The following DCP2 variants were observed in gnomAD, a reference collection of about 807,000 sequenced individuals.
The protein encoded by DCP2 is decapping mRNA 2.
In DCP2, 30 loss-of-function variants were observed where a neutral mutation model predicts 56.1. The observed-to-expected ratio is 0.53, with a 90% CI of 0.40 to 0.73. The LOEUF (loss-of-function observed/expected upper bound fraction) is 0.73. Ranked by LOEUF, DCP2 falls within the 30% of genes least tolerant of loss-of-function variation. DCP2 has a pLI of 0.00. For missense variants in DCP2, 533 were observed against 502.7 expected, an observed-to-expected ratio of 1.06 and a Z score of -0.58; for synonymous variants, 197 against 163.3, an observed-to-expected ratio of 1.21 and a Z score of -1.57.
intron 9 of DCP2, among the ~76,000 whole-genome samples, chr5:113,010,255 A>C (rs1749625728): frequency 6.9e-6 from 1 of 145,236 alleles, no homozygotes; most frequent in South Asian, 2.1e-4. Flanking sequence ...CATGTTACCC[A>C]GACTGGTCTT....
rs1309223766 is a variant in DCP2 at position 113,014,591 on chromosome 5, A to G, written c.*1107A>G. ...ATACATAACTCACTCCTAGGAATGT[A>G]TTTTGCTTCAGGATTTTTAAATTCA... is the stretch of plus-strand genomic sequence containing the variant. On this transcript the variant is annotated 3_prime_UTR_variant, in exon 11 of 11. Coordinates refer to ENST00000389063, the MANE Select transcript of DCP2 (RefSeq NM_152624.6). The G allele has an allele frequency of 6.6e-6, 1 of 152,596 alleles. No homozygotes were observed. Among genetic ancestry groups the G allele is most frequent in the African/African-American group, 2.4e-5 (1 of 41,438 alleles). 9.5% of individuals were successfully genotyped at this position (152,596 alleles called of 1,614,324 possible). A position where few individuals can be genotyped will look rare whatever the true frequency, so the allele number is the denominator to read the frequency against.
intron 1 of DCP2, 55 bp from the exon 2 acceptor site, chr5:112,985,780 G>T: frequency 1.3e-6 from 2 of 1,572,286 alleles, no homozygotes; most frequent in Non-Finnish European, 1.7e-6. Context: ...AATAGCTTAA[G>T]ATAAATCGTT....
intron 8 of DCP2, 95 bp from the exon 9 acceptor site, chr5:113,007,843 C>G: frequency 1.8e-6 from 2 of 1,098,118 alleles, no homozygotes; most frequent in South Asian, 1.8e-5. Flanking sequence ...TTGCTAAAAA[C>G]TTGGTTCAAC....
intron 4 of DCP2, among the ~76,000 whole-genome samples, chr5:112,994,619 T>G (rs1748764547): frequency 6.6e-6 from 1 of 152,268 alleles, no homozygotes. Flanking sequence ...CGTATTCTTA[T>G]TTCTTACCAT....
At chr5:113,003,855 T>C (rs1749293549) in intron 7 of DCP2, 87 bp from the exon 8 acceptor site, 7 of 1,421,518 alleles carry the variant, frequency 4.9e-6, no homozygotes, top group East Asian at 4.9e-5. Context: ...TAAGAAAATA[T>C]GTAGTCTATA....
intron 4 of DCP2, among the ~76,000 whole-genome samples, chr5:112,997,463 C>T (rs1456259986): frequency 6.6e-6 from 1 of 152,116 alleles, no homozygotes; most frequent in African/African-American, 2.4e-5. Context: ...TTCATGTGCA[C>T]TTATATAATT....
At chr5:113,001,755 C>T (rs1749190477) in intron 7 of DCP2, 81 bp downstream of exon 7, 1 of 1,332,708 alleles carries the variant, frequency 7.5e-7, no homozygotes, top group Non-Finnish European at 1.1e-6. Flanking sequence ...CTAAAATTTG[C>T]AGAGGATGTA....
At position 112,995,232 on chromosome 5, in the gene DCP2, T is replaced by G. The variant is rs114500158; in HGVS notation, c.432+2462T>G. 9.0e-3 allele frequency among the ~76,000 whole-genome samples: 1,371 copies of G among 152,334 alleles called. 28 individuals carry two copies. The highest frequency in any genetic ancestry group is 0.032 in the African/African-American group (1,317 of 41,580). On this transcript the variant is annotated intron_variant, in intron 4 of 10. Transcript: ENST00000389063. ...GAGTAAATGAAGGTTAATACACAAC[T>G]CTTAAAATTGGAAGCAGTTTGGTGA...
At chr5:112,985,761 A>T in intron 1 of DCP2, 74 bp from the exon 2 acceptor site, 3 of 1,535,542 alleles carry the variant, frequency 2.0e-6, no homozygotes, top group Non-Finnish European at 2.7e-6. Context: ...GTCAGGTATG[A>T]AGCACTTAAA....
chr5:112,992,693 C>T lies in DCP2; in HGVS notation c.355C>T (p.Leu119=). 1 of 1,582,216 alleles carries T rather than the reference C, an allele frequency of 6.3e-7. No homozygotes were observed. Among genetic ancestry groups the T allele is most frequent in the South Asian group, 1.2e-5 (1 of 84,898 alleles). ...LENVLLVQGY[L]AKSGWGFPKG... ...GTAGGTACTACTAGTTCAGGGGTAC[C>T]TAGCAAAATCAGGCTGGGGATTTCC... Residue 119 remains leucine (L), a synonymous_variant, in exon 4 of 11, where the codon CTA becomes TTA. Coordinates refer to ENST00000389063, the MANE Select transcript of DCP2 (RefSeq NM_152624.6).
rs945358728 is a variant in DCP2 at position 113,013,662 on chromosome 5, G to A, written c.*178G>A. The A allele has an allele frequency of 7.3e-6, 5 of 682,626 alleles. No individual in the cohort carries two copies. Among genetic ancestry groups the A allele is most frequent in the Admixed American group, 5.9e-5 (2 of 34,018 alleles). 42.3% of individuals were successfully genotyped at this position (682,626 alleles called of 1,614,324 possible). The stretch of plus-strand genomic sequence containing the variant: ...AACACGAGTTTGCACTGTAAATGCA[G>A]TTATAACCTTTTATACAGATTTACC... On this transcript the variant is annotated 3_prime_UTR_variant, in exon 11 of 11. Transcript: ENST00000389063.
Position 113,018,819 on chromosome 5 carries a change from T to G in DCP2, c.*5335T>G, listed in dbSNP as rs1749995427. ...TGTAGAATAATCCATATTTTAAAATTTGTTTCACATCTTTATAGCAAACCT... is the reference window on the plus strand; with the variant it reads ...TGTAGAATAATCCATATTTTAAAATGTGTTTCACATCTTTATAGCAAACCT... On this transcript the variant is annotated 3_prime_UTR_variant, in exon 11 of 11. Transcript: ENST00000389063. 1 of 152,246 alleles carries G rather than the reference T, an allele frequency of 6.6e-6. No individual in the cohort carries two copies. The highest frequency in any genetic ancestry group is 2.1e-4 in the South Asian group (1 of 4,834). The allele number at this position is 152,246 out of a possible 1,614,324, so 9.4% of individuals were successfully genotyped here. A position where few individuals can be genotyped will look rare whatever the true frequency, so the allele number is the denominator to read the frequency against.
intron 8 of DCP2, among the ~76,000 whole-genome samples, 178 bp from the exon 9 acceptor site, chr5:113,007,760 C>T (rs898360016): frequency 1.3e-5 from 2 of 152,128 alleles, no homozygotes; most frequent in African/African-American, 2.4e-5. Context: ...AGAACTCTTG[C>T]TTTGGGAAGC....
chr5:112,986,547 A>C (rs1748297047), intron 2 of DCP2, among the ~76,000 whole-genome samples: 1 of 151,818 alleles, frequency 6.6e-6, no homozygotes, highest in Non-Finnish European at 1.5e-5. Flanking sequence ...TTTGTTGCTG[A>C]GGCTGGTCTT....
intron 4 of DCP2, among the ~76,000 whole-genome samples, chr5:113,000,611 G>C (rs1237189184): frequency 6.6e-6 from 1 of 152,064 alleles, no homozygotes; most frequent in Non-Finnish European, 1.5e-5. Flanking sequence ...CAGTAGATTA[G>C]ACCTTAGTTT....
At chr5:113,008,791 G>T (rs1749553768) in intron 9 of DCP2, among the ~76,000 whole-genome samples, 1 of 151,770 alleles carries the variant, frequency 6.6e-6, no homozygotes, top group Non-Finnish European at 1.5e-5. Flanking sequence ...CTTAGTAGAT[G>T]ATTAAAAGGC....
chr5:112,978,394 C>G (rs1352531806), intron 1 of DCP2, among the ~76,000 whole-genome samples: 1 of 152,298 alleles, frequency 6.6e-6, no homozygotes, highest in Middle Eastern at 3.4e-3. Flanking sequence ...CAAACAGATT[C>G]AGGAACTTTG....
chr5:112,995,786 G>T (rs920836387), intron 4 of DCP2, among the ~76,000 whole-genome samples: 3 of 152,176 alleles, frequency 2.0e-5, no homozygotes, highest in African/African-American at 7.2e-5. Flanking sequence ...TTTGGGATTA[G>T]GGTGAAGTGT....
chr5:112,979,921 A>G (rs1253305577), intron 1 of DCP2, among the ~76,000 whole-genome samples: 1 of 152,192 alleles, frequency 6.6e-6, no homozygotes, highest in Non-Finnish European at 1.5e-5. Flanking sequence ...GAAGGGGTAT[A>G]TGTATTCGTA....
Sources: gnomAD v4.1 joint callset for allele counts (sites outside exome capture counted in the v4.1 genomes callset) on GRCh38, gnomAD v4.1.1 for gene constraint, MANE v1.5 for transcripts, NCBI Gene and HGNC (gene_info 2026-07-23, HGNC 2026-07-21) for gene names.